Variants in UPRT observed in about 807,000 individuals in gnomAD.
UPRT encodes the protein RP11-311P8.3.
UPRT carries 5 observed loss-of-function variants against 22.6 expected under a neutral mutation model. The ratio of observed to expected loss-of-function variants is 0.22; its 90% CI spans 0.12 to 0.47. UPRT has a LOEUF of 0.47. Among genes scored for constraint, UPRT ranks in the 20% least tolerant of loss-of-function variants. UPRT has a pLI of 0.99. For missense variants in UPRT, 181 were observed against 239.9 expected (o/e 0.75, Z 1.62); for synonymous variants, 77 against 87.7 (o/e 0.88, Z 0.68).
chrX:75,183,874 G>GT (rs1305643647), intron 4 of UPRT, among the ~76,000 whole-genome samples: 4 of 111,961 alleles, frequency 3.6e-5, no homozygotes, highest in Admixed American at 1.9e-4. Context: ...GGGGTTGTTT[G>GT]TTTTTTTCTT....
chrX:75,180,681 G>GTTTTTTTTTTTTGTTT (rs2082266200), intron 4 of UPRT, among the ~76,000 whole-genome samples: 4 of 43,893 alleles, frequency 9.1e-5, no homozygotes, highest in African/African-American at 1.8e-4. Context: ...CCTTTTCTCT[G>GTTTTTTTTTTTTGTTT]TTTTTTTTTT....
chrX:75,180,294 G>T (rs757687340), intron 4 of UPRT, among the ~76,000 whole-genome samples: 1 of 112,145 alleles, frequency 8.9e-6, no homozygotes, highest in East Asian at 2.8e-4. Flanking sequence ...CCCAGATAGC[G>T]CACAGGGCTT....
At chrX:75,291,149 G>A (rs2082705563) in intron 1 of UPRT, among the ~76,000 whole-genome samples, 1 of 111,295 alleles carries the variant, frequency 9.0e-6, no homozygotes, top group African/African-American at 3.3e-5. Context: ...AATCTGCATC[G>A]CTAAACCTGC....
chrX:75,280,877 A>G (rs907345729), intron 1 of UPRT, among the ~76,000 whole-genome samples: 2 of 111,794 alleles, frequency 1.8e-5, no homozygotes, highest in Non-Finnish European at 3.8e-5. Flanking sequence ...GATCATTTTC[A>G]CAATATTGAC....
At chrX:75,259,013 A>G (rs1004724045) in intron 4 of UPRT, among the ~76,000 whole-genome samples, 2 of 111,971 alleles carry the variant, frequency 1.8e-5, no homozygotes, top group Non-Finnish European at 3.8e-5. Flanking sequence ...ACTCCAGCAG[A>G]CCTGCATCAG....
chrX:75,273,072 A>G (rs891848374), upstream of UPRT, among the ~76,000 whole-genome samples: 2 of 111,575 alleles, frequency 1.8e-5, no homozygotes, highest in African/African-American at 3.3e-5. Context: ...AACTAACACA[A>G]GAACAGAAAA....
chrX:75,176,183 A>G (rs916397849), intron 4 of UPRT, among the ~76,000 whole-genome samples: 4 of 111,048 alleles, frequency 3.6e-5, no homozygotes, highest in African/African-American at 1.3e-4. Flanking sequence ...TCCTTCTAGA[A>G]CACAGGTCAA....
chrX:75,296,955 AACTTGGGG>A (rs1407085443), intron 3 of UPRT, among the ~76,000 whole-genome samples: 1 of 111,894 alleles, frequency 8.9e-6, no homozygotes, highest in African/African-American at 3.2e-5. Context: ...TACTTTATGA[AACTTGGGG>A]ACTGAGTTTG....
chrX:75,293,014 TC>T (rs777166739), intron 1 of UPRT, among the ~76,000 whole-genome samples: 3 of 112,019 alleles, frequency 2.7e-5, no homozygotes, highest in African/African-American at 9.7e-5. Flanking sequence ...TTGGTACCAT[TC>T]TAGTTCCAAA....
At chrX:75,292,446 A>G (rs2082711742) in intron 1 of UPRT, among the ~76,000 whole-genome samples, 1 of 111,920 alleles carries the variant, frequency 8.9e-6, no homozygotes, top group South Asian at 3.7e-4. Context: ...TATCTGTAGT[A>G]TGATAGAACT....
chrX:75,172,690 C>G (rs5981786), intron 4 of UPRT, among the ~76,000 whole-genome samples: 3,173 of 110,357 alleles, frequency 0.029, 116 homozygotes, highest in African/African-American at 0.1. Flanking sequence ...CTGGTGGGTT[C>G]GTGGTCTCGC....
chrX:75,230,136 G>A (rs187058678), intron 4 of UPRT, among the ~76,000 whole-genome samples: 15 of 111,367 alleles, frequency 1.3e-4, no homozygotes, highest in African/African-American at 2.3e-4. Flanking sequence ...TGTCACTGCC[G>A]GCTTTCCTCC....
At chrX:75,223,726 G>A (rs765034589) in intron 4 of UPRT, among the ~76,000 whole-genome samples, 70 of 111,498 alleles carry the variant, frequency 6.3e-4, no homozygotes, top group Non-Finnish European at 1.1e-3. Flanking sequence ...GGATGGAGGC[G>A]GGGTGGTGTC....
At position 75,159,770 on chromosome X, in the gene UPRT, ATTTTTTT is replaced by A. The variant is rs35651743; in HGVS notation, c.-736-762_-736-756del. Among the ~76,000 whole-genome samples the A allele has an allele frequency of 8.6e-5, 4 of 46,327 alleles. No homozygotes were observed. In the South Asian group the frequency reaches 4.7e-3, roughly 54 times the overall value. 40.2% of individuals were successfully genotyped at this position (46,327 alleles called of 115,157 possible). ...TAAGATTTTATGATACTTGCCTTAA[ATTTTTTT>A]TTTTTTTTTTTTTTTTTGAGATGGA... On this transcript the variant is annotated intron_variant, in intron 1 of 13. Transcript: ENST00000652605.
In UPRT at chrX:75,185,234, T is replaced by G. The variant is rs765416119; in HGVS notation, c.-447+17355T>G. Among the ~76,000 whole-genome samples the G allele has an allele frequency of 2.7e-5, 3 of 111,882 alleles. No homozygotes were observed. The East Asian group carries it at 8.4e-4, about 31-fold the overall frequency. ...TATTGAGAGTTTTTAGCATGAAGCG[T>G]TGTTGAATTTTGTCAAAGGCCTTTT... On this transcript the variant is annotated intron_variant, in intron 4 of 13. Coordinates refer to the UPRT transcript ENST00000652605.
At chrX:75,232,359 G>T (rs1432269748) in intron 4 of UPRT, among the ~76,000 whole-genome samples, 1 of 112,720 alleles carries the variant, frequency 8.9e-6, no homozygotes, top group Non-Finnish European at 1.9e-5. Context: ...AGCGAGGCTG[G>T]GGGAGGGGCG....
intron 2 of UPRT, among the ~76,000 whole-genome samples, chrX:75,161,754 A>G (rs1462553527): frequency 8.9e-6 from 1 of 111,884 alleles, no homozygotes; most frequent in Non-Finnish European, 1.9e-5. Flanking sequence ...CTTACCTAGT[A>G]AACAGCGGAG....
chrX:75,263,902 A>G (rs2082577507), intron 4 of UPRT, among the ~76,000 whole-genome samples: 1 of 109,341 alleles, frequency 9.1e-6, no homozygotes, highest in Non-Finnish European at 1.9e-5. Context: ...TGTCCCAGAG[A>G]TTCTGGTATG....
In UPRT at chrX:75,165,727, A is replaced by AT. The variant is rs774995383; in HGVS notation, c.-520-2073dup. Among the ~76,000 whole-genome samples the AT allele has an allele frequency of 9.8e-5, 11 of 111,827 alleles. No homozygotes were observed. The South Asian group carries it at 4.1e-3, about 42-fold the overall frequency. On this transcript the variant is annotated intron_variant, in intron 3 of 13. Transcript: ENST00000652605. ...TTGGTCAATTTTTAAAAGTTTAATG[A>AT]TTTTTTAATATTGTTTTCTGTTTTT...
Sources: allele counts gnomAD v4.1 joint callset (sites outside exome capture counted in the v4.1 genomes callset), GRCh38; gene constraint gnomAD v4.1.1; transcripts MANE v1.5; gene names NCBI Gene and HGNC (gene_info 2026-07-23, HGNC 2026-07-21).